FAT3: variants seen among roughly 807,000 people sequenced by gnomAD.
FAT3 encodes the protein FAT atypical cadherin 3, also known as protocadherin Fat 3.
A neutral mutation model predicts 310.2 loss-of-function variants in FAT3; 95 were observed. The ratio of observed to expected loss-of-function variants is 0.31; its 90% CI spans 0.26 to 0.36. FAT3 has a LOEUF of 0.36. FAT3 is among the 10% of genes least tolerant of loss of function. The probability of loss-of-function intolerance (pLI) is 1.00; values close to 1 mark genes in which losing one functional copy is unlikely to be tolerated. For missense variants in FAT3, 5,408 were observed against 5,715.6 expected (o/e 0.95, Z 1.74); for synonymous variants, 2,314 against 2,192.9 (o/e 1.06, Z -1.54).
intron 3 of FAT3, among the ~76,000 whole-genome samples, chr11:92,671,904 G>A (rs1202095702): frequency 2.0e-5 from 3 of 152,178 alleles, no homozygotes; most frequent in South Asian, 4.1e-4. Context: ...TCAGGAGTTC[G>A]AGACCAGCCT....
intron 13 of FAT3, among the ~76,000 whole-genome samples, chr11:92,813,668 A>G (rs1054687344): frequency 6.6e-6 from 1 of 152,114 alleles, no homozygotes; most frequent in African/African-American, 2.4e-5. Flanking sequence ...TAAATTATAT[A>G]GTTTGTAACC....
At chr11:92,887,153 G>A (rs188680459) in intron 25 of FAT3, 40 bp downstream of exon 25, 3 of 1,537,874 alleles carry the variant, frequency 2.0e-6, no homozygotes, top group East Asian at 4.7e-5. Context: ...GGTGGGTTCT[G>A]CTTCCTGTTC....
intron 2 of FAT3, among the ~76,000 whole-genome samples, chr11:92,467,072 T>C (rs2135133510): frequency 6.6e-6 from 1 of 152,222 alleles, no homozygotes; most frequent in South Asian, 2.1e-4. Flanking sequence ...GCAGCATGAT[T>C]TATAGTCTTT....
intron 13 of FAT3, among the ~76,000 whole-genome samples, chr11:92,819,734 A>G (rs1333904862): frequency 1.3e-5 from 2 of 152,250 alleles, no homozygotes; most frequent in Admixed American, 6.5e-5. Flanking sequence ...AATAACTCCC[A>G]TATTTCAAAG....
At chr11:92,855,056 C>T (rs547571896) in intron 19 of FAT3, among the ~76,000 whole-genome samples, 2 of 152,322 alleles carry the variant, frequency 1.3e-5, no homozygotes, top group South Asian at 2.1e-4. Flanking sequence ...TACATTGCCA[C>T]CTCCATGTGG....
chr11:92,840,801 C>T (rs931343924), intron 18 of FAT3, 42 bp downstream of exon 18: 1 of 1,475,674 alleles, frequency 6.8e-7, no homozygotes, highest in East Asian at 2.3e-5. Flanking sequence ...GTCTTTCTTT[C>T]TCATGCTTGT....
chr11:92,438,590 A>G (rs1036104350), intron 2 of FAT3, among the ~76,000 whole-genome samples: 3 of 152,162 alleles, frequency 2.0e-5, no homozygotes, highest in Non-Finnish European at 4.4e-5. Flanking sequence ...TATTATTTGA[A>G]TTTTATAATC....
At chr11:92,648,868 A>G (rs907034700) in intron 3 of FAT3, among the ~76,000 whole-genome samples, 50 of 152,284 alleles carry the variant, frequency 3.3e-4, no homozygotes, top group African/African-American at 1.2e-3. Flanking sequence ...AGCTGTCCAG[A>G]AACGAGTATG....
At chr11:92,668,003 GC>G (rs1423010332) in intron 3 of FAT3, among the ~76,000 whole-genome samples, 1 of 152,214 alleles carries the variant, frequency 6.6e-6, no homozygotes, top group Non-Finnish European at 1.5e-5. Flanking sequence ...ATGTGAGCCT[GC>G]CTTGGGCTCT....
intron 2 of FAT3, among the ~76,000 whole-genome samples, chr11:92,508,083 A>G (rs1953175370): frequency 6.6e-6 from 1 of 152,184 alleles, no homozygotes; most frequent in Non-Finnish European, 1.5e-5. Context: ...TAAGTCACAC[A>G]ACATACATAG....
chr11:92,507,640 T>C (rs1171662154), intron 2 of FAT3, among the ~76,000 whole-genome samples: 1 of 151,570 alleles, frequency 6.6e-6, no homozygotes, highest in Admixed American at 6.6e-5. Context: ...GGAGGAGATG[T>C]GGAATATATA....
At chr11:92,590,170 A>G (rs1435078991) in intron 3 of FAT3, among the ~76,000 whole-genome samples, 2 of 152,120 alleles carry the variant, frequency 1.3e-5, no homozygotes, top group African/African-American at 4.8e-5. Context: ...AGTCCAGGGA[A>G]GTTACTCATA....
chr11:92,453,576 A>G (rs1455529116), intron 2 of FAT3, among the ~76,000 whole-genome samples: 1 of 152,154 alleles, frequency 6.6e-6, no homozygotes, highest in Non-Finnish European at 1.5e-5. Flanking sequence ...TTCTTTGAGA[A>G]TCAAATTACA....
At chr11:92,724,509 A>G (rs551647625) in intron 4 of FAT3, among the ~76,000 whole-genome samples, 7 of 152,328 alleles carry the variant, frequency 4.6e-5, no homozygotes, top group African/African-American at 1.7e-4. Context: ...TAGTCAATCA[A>G]TTACTAAAAT....
chr11:92,397,201 T>C (rs1949888656), intron 2 of FAT3, among the ~76,000 whole-genome samples: 1 of 152,054 alleles, frequency 6.6e-6, no homozygotes, highest in Admixed American at 6.6e-5. Context: ...TGGTTTGGTC[T>C]TTATATATAT....
At chr11:92,579,878 T>A (rs951443170) in intron 3 of FAT3, among the ~76,000 whole-genome samples, 1 of 152,098 alleles carries the variant, frequency 6.6e-6, no homozygotes, top group South Asian at 2.1e-4. Context: ...TTTAAAATTA[T>A]CAAAAGCTTA....
intron 2 of FAT3, among the ~76,000 whole-genome samples, chr11:92,468,549 G>T (rs563900906): frequency 6.6e-6 from 1 of 152,190 alleles, no homozygotes; most frequent in East Asian, 1.9e-4. Flanking sequence ...ATGTTTGGAG[G>T]GTGTATTAGT....
In FAT3 at chr11:92,790,094, C is replaced by T. The variant is rs751162330; in HGVS notation, c.4487C>T (p.Thr1496Ile). 2.3e-5 allele frequency: 37 copies of T among 1,613,868 alleles called. 1 individual carries two copies. The South Asian group carries it at 3.3e-4, about 14-fold the overall frequency. Residue 1496 changes from threonine to isoleucine, a missense_variant, in exon 8 of 28, where the codon ACT (threonine) becomes ATT (isoleucine). Physicochemically the swap from Thr to Ile is moderately conservative, Grantham distance 89 (BLOSUM62 -1). Transcript: ENST00000525166. ...DRDEKHKLSY[T>I]VHSSIDSISM... is the part of the protein sequence containing the mutation. ...GATGAGAAGCACAAGCTGAGCTACA[C>T]TGTTCATAGCAGCATCGACTCCATC...
intron 1 of FAT3, among the ~76,000 whole-genome samples, chr11:92,245,178 C>T (rs997663222): frequency 6.6e-6 from 1 of 152,096 alleles, no homozygotes; most frequent in African/African-American, 2.4e-5. Context: ...AGGATGAGTT[C>T]ATGTCCTTTT....
Sources: allele counts gnomAD v4.1 joint callset (sites outside exome capture counted in the v4.1 genomes callset), GRCh38; gene constraint gnomAD v4.1.1; transcripts MANE v1.5; gene names NCBI Gene and HGNC (gene_info 2026-07-23, HGNC 2026-07-21).